SPAG16: variants seen among roughly 807,000 people sequenced by gnomAD.
The protein encoded by SPAG16 is sperm-associated antigen 16 protein.
Under a neutral mutation model 80.4 loss-of-function variants are expected in SPAG16, and 86 were observed. The observed-to-expected ratio is 1.07, with a 90% CI of 0.90 to 1.28. The LOEUF is 1.28. SPAG16 is among the 50% of genes most tolerant of loss of function. The pLI is 0.00. For synonymous variants in SPAG16, 294 were observed against 265.9 expected (o/e 1.11, Z -1.03); for missense variants, 870 against 765.3 (o/e 1.14, Z -1.61).
At chr2:213,366,619 G>A (rs4672678) in intron 8 of SPAG16, among the ~76,000 whole-genome samples, 148,203 of 152,082 alleles carry the variant, frequency 0.97, 72,318 homozygotes, top group East Asian at 1. Context: ...GGGAAAACCC[G>A]CCTCCATGAT....
intron 9 of SPAG16, among the ~76,000 whole-genome samples, chr2:213,406,952 A>G (rs1307586937): frequency 1.3e-5 from 2 of 151,610 alleles, no homozygotes; most frequent in Non-Finnish European, 2.9e-5. Context: ...AAAAAAAAAA[A>G]AAAAAGGGAA....
chr2:213,871,793 A>G (rs2075955603), intron 11 of SPAG16, among the ~76,000 whole-genome samples: 1 of 151,542 alleles, frequency 6.6e-6, no homozygotes, highest in Non-Finnish European at 1.5e-5. Context: ...TTCTGTGACC[A>G]CACCAAACAT....
In SPAG16 at chr2:213,798,006, A is replaced by G. The variant is rs556231178; in HGVS notation, c.1071-64479A>G. On this transcript the variant is annotated intron_variant, in intron 10 of 15. Coordinates refer to ENST00000331683, the MANE Select transcript of SPAG16 (RefSeq NM_024532.5). ...CTGTCTTTCTTTTGATTATATTTCAATAGATGTGAACGGGGCATGGCATTG... is the reference window on the plus strand; with the variant it reads ...CTGTCTTTCTTTTGATTATATTTCAGTAGATGTGAACGGGGCATGGCATTG... Among the ~76,000 whole-genome samples, 32 of 152,246 alleles carry G rather than the reference A, an allele frequency of 2.1e-4. 1 individual carries two copies. Among genetic ancestry groups the G allele is most frequent in the Non-Finnish European group, 4.0e-4 (27 of 68,006 alleles).
chr2:213,415,123 G>A (rs894492353), intron 9 of SPAG16, among the ~76,000 whole-genome samples: 5 of 152,212 alleles, frequency 3.3e-5, no homozygotes, highest in Non-Finnish European at 7.3e-5. Context: ...GGAACACAGA[G>A]CCAAACCATA....
chr2:213,780,875 A>T (rs1575118219), intron 10 of SPAG16, among the ~76,000 whole-genome samples: 2 of 152,094 alleles, frequency 1.3e-5, no homozygotes, highest in East Asian at 3.8e-4. Context: ...ATAATAATAA[A>T]GGGTGGTTTG....
At chr2:214,356,978 G>T (rs920812343) in intron 15 of SPAG16, among the ~76,000 whole-genome samples, 3 of 151,652 alleles carry the variant, frequency 2.0e-5, no homozygotes, top group Non-Finnish European at 4.4e-5. Context: ...CCCTCATTTT[G>T]CCTATTGTCT....
chr2:213,472,631 A>G (rs1039979846), intron 9 of SPAG16, among the ~76,000 whole-genome samples: 5 of 152,142 alleles, frequency 3.3e-5, no homozygotes, highest in Admixed American at 6.5e-5. Flanking sequence ...CAGAGAGCCA[A>G]TGTGAGAGTT....
intron 15 of SPAG16, among the ~76,000 whole-genome samples, chr2:214,255,968 G>A (rs2125859635): frequency 6.6e-6 from 1 of 151,996 alleles, no homozygotes; most frequent in East Asian, 1.9e-4. Flanking sequence ...TTTCTCGTGA[G>A]TAAACACTGA....
chr2:214,384,867 C>G (rs1700659638), intron 15 of SPAG16, among the ~76,000 whole-genome samples: 1 of 152,158 alleles, frequency 6.6e-6, no homozygotes, highest in Non-Finnish European at 1.5e-5. Context: ...GTCTCCATGT[C>G]CTTAATTCTA....
chr2:214,278,123 A>T (rs929625241), intron 15 of SPAG16, among the ~76,000 whole-genome samples: 1 of 152,150 alleles, frequency 6.6e-6, no homozygotes, highest in African/African-American at 2.4e-5. Context: ...CCACCGAGCC[A>T]GGCGCAGGAT....
rs1193882341 is a variant in SPAG16 at position 213,631,041 on chromosome 2, C to T, written c.1070+140951C>T. The stretch of plus-strand genomic sequence containing the variant: ...AAAGACCTAAACGATCTGATGGTGC[C>T]GACCTTAATGAAAATCCAGGGAAAA... On this transcript the variant is annotated intron_variant, in intron 10 of 15. Transcript: ENST00000331683. Among the ~76,000 whole-genome samples the T allele has an allele frequency of 4.6e-5, 7 of 152,084 alleles. No homozygotes were observed. In the East Asian group the frequency reaches 7.7e-4, roughly 17 times the overall value.
intron 10 of SPAG16, among the ~76,000 whole-genome samples, chr2:213,768,514 A>G (rs1336547422): frequency 1.3e-5 from 2 of 152,200 alleles, no homozygotes; most frequent in Non-Finnish European, 2.9e-5. Flanking sequence ...TTAGAATTTA[A>G]TATTTACGAG....
chr2:213,455,078 C>T (rs1288223588), intron 9 of SPAG16, among the ~76,000 whole-genome samples: 2 of 152,092 alleles, frequency 1.3e-5, no homozygotes, highest in East Asian at 3.9e-4. Flanking sequence ...ATACAGATTT[C>T]AAAACTACCT....
chr2:213,338,066 C>T lies in SPAG16; in HGVS notation c.537-2097C>T, dbSNP rs552788910. Among the ~76,000 whole-genome samples the T allele has an allele frequency of 4.6e-5, 7 of 152,222 alleles. No individual in the cohort carries two copies. In the South Asian group the frequency reaches 8.3e-4, roughly 18 times the overall value. On this transcript the variant is annotated intron_variant, in intron 5 of 15. Transcript: ENST00000331683. ...CCAGAAGATAGTGGGGGCCAATATT[C>T]GACACTCTTAAAAGAATTTCCAACC...
chr2:213,422,870 C>T (rs547170397), intron 9 of SPAG16, among the ~76,000 whole-genome samples: 1 of 152,340 alleles, frequency 6.6e-6, no homozygotes, highest in South Asian at 2.1e-4. Context: ...CCTCAAGATA[C>T]AGATATAACT....
At chr2:213,609,569 A>G (rs1040424921) in intron 10 of SPAG16, among the ~76,000 whole-genome samples, 5 of 152,198 alleles carry the variant, frequency 3.3e-5, no homozygotes, top group African/African-American at 7.2e-5. Flanking sequence ...ATTGAGTTCC[A>G]TGTATCACTA....
intron 10 of SPAG16, among the ~76,000 whole-genome samples, chr2:213,811,319 C>T (rs1019055894): frequency 7.2e-5 from 11 of 152,100 alleles, no homozygotes; most frequent in Non-Finnish European, 1.3e-4. Flanking sequence ...GAACATACTA[C>T]AGTAATCGTT....
At chr2:214,047,494 A>C (rs1481168376) in intron 13 of SPAG16, among the ~76,000 whole-genome samples, 14 of 152,206 alleles carry the variant, frequency 9.2e-5, no homozygotes. Flanking sequence ...ATCCATATGC[A>C]GAAGAATGAA....
chr2:213,403,883 A>C (rs1057044412), intron 9 of SPAG16, among the ~76,000 whole-genome samples: 2 of 152,232 alleles, frequency 1.3e-5, no homozygotes, highest in African/African-American at 2.4e-5. Flanking sequence ...ATCAATGTAC[A>C]AAAATCACAA....
Sources: gnomAD v4.1 joint callset for allele counts (sites outside exome capture counted in the v4.1 genomes callset) on GRCh38, gnomAD v4.1.1 for gene constraint, MANE v1.5 for transcripts, NCBI Gene and HGNC (gene_info 2026-07-23, HGNC 2026-07-21) for gene names.